Variants in C8orf34 observed in about 807,000 individuals in gnomAD.
C8orf34 encodes uncharacterized protein C8orf34.
C8orf34 carries 65 observed loss-of-function variants against 68.3 expected under a neutral mutation model. The observed-to-expected ratio is 0.95, with a 90% confidence interval of 0.78 to 1.17. The LOEUF (loss-of-function observed/expected upper bound fraction) is 1.17. Ranked by LOEUF, C8orf34 falls within the 50% of genes most tolerant of loss-of-function variation. The pLI is 0.00. For missense variants in C8orf34, 664 were observed against 655.4 expected (o/e 1.01, Z -0.14); for synonymous variants, 244 against 241.2 (o/e 1.01, Z -0.11).
intron 10 of C8orf34, among the ~76,000 whole-genome samples, chr8:68,742,681 T>G (rs1400617989): frequency 6.6e-6 from 1 of 152,222 alleles, no homozygotes; most frequent in Non-Finnish European, 1.5e-5. Flanking sequence ...TTTTCCACCT[T>G]TAGCTACTAT....
intron 1 of C8orf34, among the ~76,000 whole-genome samples, chr8:68,417,304 A>T (rs2129622984): frequency 6.6e-6 from 1 of 152,256 alleles, no homozygotes; most frequent in Admixed American, 6.5e-5. Flanking sequence ...CAGGGAACTC[A>T]TTCTACAAAT....
chr8:68,355,687 G>T (rs1055248797), intron 1 of C8orf34, among the ~76,000 whole-genome samples: 1 of 151,984 alleles, frequency 6.6e-6, no homozygotes, highest in African/African-American at 2.4e-5. Context: ...TCTTGGTGAT[G>T]GTGTAAAAGA....
intron 7 of C8orf34, among the ~76,000 whole-genome samples, chr8:68,536,645 A>C (rs1424267569): frequency 1.3e-5 from 2 of 152,062 alleles, no homozygotes; most frequent in Admixed American, 1.3e-4. Context: ...TATACATTCT[A>C]ATATGGGTAT....
chr8:68,344,911 G>A (rs1264777445), intron 1 of C8orf34, among the ~76,000 whole-genome samples: 3 of 151,996 alleles, frequency 2.0e-5, no homozygotes, highest in African/African-American at 7.2e-5. Context: ...AAATTTAAGA[G>A]TAATCTCTAG....
chr8:68,554,204 A>C (rs1396459794), intron 7 of C8orf34, among the ~76,000 whole-genome samples: 1 of 152,140 alleles, frequency 6.6e-6, no homozygotes, highest in Non-Finnish European at 1.5e-5. Context: ...TTACAACTCT[A>C]GTTTATATTT....
In C8orf34 at chr8:68,439,601, A is replaced by G; in HGVS notation, c.430A>G (p.Thr144Ala). 6.2e-7 allele frequency: 1 copy of G among 1,613,642 alleles called. No individual in the cohort carries two copies. Among genetic ancestry groups the G allele is most frequent in the Non-Finnish European group, 8.5e-7 (1 of 1,179,722 alleles). The stretch of plus-strand genomic sequence containing the variant: ...AGGGAACCGTGGACAACTTCAAAGA[A>G]CTTTGTCTGGATCTGCAGCTCTATG... The part of the protein sequence containing the change: ...KQGNRGQLQR[T>A]LSGSAALWAE... Residue 144 changes from threonine (T) to alanine (A), a missense_variant, in exon 2 of 14, where the codon ACT becomes GCT. By Grantham distance (58) the Thr-to-Ala change is moderately conservative. Transcript: ENST00000518698.
At chr8:68,438,032 G>T (rs1318156782) in intron 1 of C8orf34, 2 of 152,078 alleles carry the variant, frequency 1.3e-5, no homozygotes, top group South Asian at 2.1e-4. Flanking sequence ...GCTATAAAAG[G>T]TTTAATTGTT....
At chr8:68,781,744 T>C (rs562540221) in intron 11 of C8orf34, among the ~76,000 whole-genome samples, 1 of 152,210 alleles carries the variant, frequency 6.6e-6, no homozygotes, top group Admixed American at 6.5e-5. Context: ...AAGTAAAACA[T>C]TTAAATCATC....
intron 8 of C8orf34, among the ~76,000 whole-genome samples, chr8:68,647,873 G>C (rs190633906): frequency 6.6e-6 from 1 of 152,220 alleles, no homozygotes; most frequent in Admixed American, 6.5e-5. Flanking sequence ...TGTGAACATT[G>C]CTGCAATTTG....
Position 68,818,277 on chromosome 8 carries a change from A to G in C8orf34, c.*31A>G. 6.2e-7 allele frequency: 1 copy of G among 1,608,842 alleles called. No individual in the cohort carries two copies. The highest frequency in any genetic ancestry group is 1.7e-5 in the Admixed American group (1 of 59,902). The stretch of plus-strand genomic sequence containing the variant: ...AGAGAAGAAGTTGCAAGTGGTCCTT[A>G]AAGAAATGCAGTTATTCAAATCCTT... On this transcript the variant is annotated 3_prime_UTR_variant, in exon 14 of 14. Coordinates refer to ENST00000518698, the MANE Select transcript of C8orf34 (RefSeq NM_052958.4).
chr8:68,366,683 C>T (rs959611398), intron 1 of C8orf34, among the ~76,000 whole-genome samples: 4 of 146,728 alleles, frequency 2.7e-5, no homozygotes, highest in African/African-American at 1.0e-4. Context: ...GCTGGGAAAA[C>T]TGGCTAGCCA....
Position 68,405,235 on chromosome 8 carries a change from G to A in C8orf34, c.328-34264G>A, listed in dbSNP as rs147435289. Among the ~76,000 whole-genome samples, 244 of 152,230 alleles carry A rather than the reference G, an allele frequency of 1.6e-3. 3 individuals are homozygous for A. Among genetic ancestry groups the A allele is most frequent in the East Asian group, 0.014 (72 of 5,182 alleles). On this transcript the variant is annotated intron_variant, in intron 1 of 13. Coordinates refer to ENST00000518698, the MANE Select transcript of C8orf34 (RefSeq NM_052958.4). ...AGCATTTTTGGCATAGGGCTCTTACGTTGGATCTTTACAGACAGTAAAGGA... is the reference window on the plus strand; with the variant it reads ...AGCATTTTTGGCATAGGGCTCTTACATTGGATCTTTACAGACAGTAAAGGA...
chr8:68,449,435 C>T (rs1253132777), intron 3 of C8orf34, among the ~76,000 whole-genome samples: 3 of 152,044 alleles, frequency 2.0e-5, no homozygotes, highest in South Asian at 2.1e-4. Context: ...AGTGACTCAA[C>T]GTTCCCACCT....
chr8:68,521,854 T>C lies in C8orf34; in HGVS notation c.821T>C (p.Ile274Thr). The part of the protein sequence containing the change: ...LLRPRVIGEW[I>T]GREENDADPL... The stretch of plus-strand genomic sequence containing the variant: ...AGGCCCCGTGTGATTGGAGAATGGA[T>C]TGGTAGAGAAGAAAATGATGCTGAT... The change falls in exon 6 of 14, where the codon ATT (isoleucine) becomes ACT (threonine). Residue 274 changes from isoleucine (I) to threonine (T), a missense_variant. Ile to Thr is a moderately conservative substitution (Grantham distance 89). Coordinates refer to ENST00000518698, the MANE Select transcript of C8orf34 (RefSeq NM_052958.4). The C allele has an allele frequency of 1.2e-6, 2 of 1,614,018 alleles. No individual in the cohort carries two copies. The highest frequency in any genetic ancestry group is 1.7e-6 in the Non-Finnish European group (2 of 1,179,974).
intron 10 of C8orf34, among the ~76,000 whole-genome samples, chr8:68,772,609 T>A (rs1203553307): frequency 6.6e-6 from 1 of 152,198 alleles, no homozygotes; most frequent in Non-Finnish European, 1.5e-5. Flanking sequence ...CAACTGCGGT[T>A]ATATTAAAAA....
intron 7 of C8orf34, chr8:68,533,861 C>T: frequency 1.0e-6 from 1 of 974,192 alleles, no homozygotes; most frequent in Non-Finnish European, 1.2e-6. Context: ...ACATATAAAA[C>T]AATGAGTTTT....
At chr8:68,586,588 C>T (rs1312825035) in intron 7 of C8orf34, among the ~76,000 whole-genome samples, 3 of 152,116 alleles carry the variant, frequency 2.0e-5, no homozygotes, top group African/African-American at 7.2e-5. Context: ...TGCTCTGTTT[C>T]CTGGAAATCC....
At chr8:68,578,272 C>T (rs1816965543) in intron 7 of C8orf34, among the ~76,000 whole-genome samples, 5 of 152,128 alleles carry the variant, frequency 3.3e-5, no homozygotes, top group Admixed American at 1.3e-4. Flanking sequence ...CCAAGATACA[C>T]TCTAAACCTC....
intron 5 of C8orf34, among the ~76,000 whole-genome samples, chr8:68,518,768 C>A (rs1814622801): frequency 6.6e-6 from 1 of 151,820 alleles, no homozygotes; most frequent in African/African-American, 2.4e-5. Flanking sequence ...TGGTGGTGTA[C>A]ACCTGTACCC....
Sources: gnomAD v4.1 joint callset for allele counts (sites outside exome capture counted in the v4.1 genomes callset) on GRCh38, gnomAD v4.1.1 for gene constraint, MANE v1.5 for transcripts, NCBI Gene and HGNC (gene_info 2026-07-23, HGNC 2026-07-21) for gene names.